Variants in EEA1 observed in about 807,000 individuals in gnomAD.
EEA1 encodes early endosome antigen 1, also known as early endosome antigen 1, 162kD.
In EEA1, 111 loss-of-function variants were observed where a neutral mutation model predicts 209.2. The observed-to-expected ratio is 0.53, with a 90% confidence interval of 0.45 to 0.62. The LOEUF is 0.62. EEA1 is among the 20% of genes least tolerant of loss of function. The probability of loss-of-function intolerance (pLI) is 0.00; values close to 1 mark genes in which losing one functional copy is unlikely to be tolerated. For synonymous variants in EEA1, 536 were observed against 540.6 expected, an observed-to-expected ratio of 0.99 and a Z score of 0.12; for missense variants, 1,343 against 1,530.8, an observed-to-expected ratio of 0.88 and a Z score of 2.05.
At chr12:92,892,695 C>G (rs958848972) in intron 1 of EEA1, among the ~76,000 whole-genome samples, 2 of 152,162 alleles carry the variant, frequency 1.3e-5, no homozygotes, top group Non-Finnish European at 2.9e-5. Context: ...CTGCCTCAGA[C>G]TCCTGAGTAG....
intron 9 of EEA1, 136 bp from the exon 10 acceptor site, chr12:92,842,717 C>T: frequency 1.7e-6 from 1 of 581,486 alleles, no homozygotes; most frequent in African/African-American, 2.0e-5. Context: ...TATCCTACCA[C>T]CTATACTGCC....
intron 23 of EEA1, 44 bp from the exon 24 acceptor site, chr12:92,780,455 C>G (rs1413774153): frequency 1.5e-6 from 2 of 1,305,572 alleles, no homozygotes; most frequent in Non-Finnish European, 1.0e-6. Context: ...AAAGCAAATA[C>G]TTAAATGAAA....
intron 13 of EEA1, among the ~76,000 whole-genome samples, chr12:92,820,111 T>G (rs967007731): frequency 3.3e-5 from 5 of 152,142 alleles, no homozygotes; most frequent in African/African-American, 1.2e-4. Context: ...CCCATTAAAA[T>G]GTATACTCTA....
chr12:92,804,619 A>C (rs1875106127), intron 18 of EEA1, among the ~76,000 whole-genome samples: 1 of 152,046 alleles, frequency 6.6e-6, no homozygotes, highest in Non-Finnish European at 1.5e-5. Context: ...ATACCTAGGA[A>C]AGCCTCAATA....
intron 1 of EEA1, among the ~76,000 whole-genome samples, chr12:92,912,768 T>C (rs1880624519): frequency 6.6e-6 from 1 of 152,144 alleles, no homozygotes; most frequent in Non-Finnish European, 1.5e-5. Context: ...ATTGTCTAGC[T>C]CCCACTTATA....
chr12:92,859,239 C>T, intron 3 of EEA1: 1 of 1,612,096 alleles, frequency 6.2e-7, no homozygotes, highest in Non-Finnish European at 8.5e-7. Context: ...GTAGGGACAG[C>T]TTCCCATGGG....
chr12:92,859,092 T>C (rs745681960), intron 3 of EEA1: 14 of 879,738 alleles, frequency 1.6e-5, no homozygotes, highest in East Asian at 9.7e-5. Context: ...TTTTCCATTA[T>C]AGTACCTCTC....
At chr12:92,894,531 A>T (rs1404584741) in intron 1 of EEA1, among the ~76,000 whole-genome samples, 2 of 152,234 alleles carry the variant, frequency 1.3e-5, no homozygotes, top group Non-Finnish European at 2.9e-5. Flanking sequence ...AAATGATAAG[A>T]GCACAAATTG....
chr12:92,913,353 A>G (rs1880647904), intron 1 of EEA1, among the ~76,000 whole-genome samples: 1 of 152,160 alleles, frequency 6.6e-6, no homozygotes. Flanking sequence ...CTTTTGAGAA[A>G]TATCTGCTAA....
intron 23 of EEA1, 32 bp from the exon 24 acceptor site, chr12:92,780,443 T>C (rs754906773): frequency 1.5e-6 from 2 of 1,354,098 alleles, no homozygotes. Context: ...TAAAATTATT[T>C]TAAAGCAAAT....
At chr12:92,799,139 T>C (rs1236380546) in intron 20 of EEA1, 53 bp from the exon 21 acceptor site, 10 of 1,423,056 alleles carry the variant, frequency 7.0e-6, no homozygotes, top group Admixed American at 2.9e-5. Flanking sequence ...CAAAAGACGA[T>C]GTACTGAGTA....
At chr12:92,842,617 C>A in intron 9 of EEA1, 36 bp from the exon 10 acceptor site, 2 of 1,203,344 alleles carry the variant, frequency 1.7e-6, no homozygotes, top group Non-Finnish European at 2.4e-6. Flanking sequence ...TTAAAGCAAA[C>A]TAAATTGTCT....
In EEA1 at chr12:92,864,813, C is replaced by CATATGGA. The variant is rs753862049; in HGVS notation, c.245+46_245+47insTCCATAT. On this transcript the variant is annotated intron_variant, in intron 3 of 28. Coordinates refer to ENST00000322349, the MANE Select transcript of EEA1 (RefSeq NM_003566.4). ...ATTAATCATGATTAAACGACGATAC[C>CATATGGA]ACATGCATATTCCATAACATTATAC... is the stretch of plus-strand genomic sequence containing the variant. The CATATGGA allele has an allele frequency of 5.5e-6, 8 of 1,449,272 alleles. No homozygotes were observed. In the African/African-American group the frequency reaches 1.0e-4, roughly 18 times the overall value. 89.8% of individuals were successfully genotyped at this position (1,449,272 alleles called of 1,614,324 possible).
intron 21 of EEA1, among the ~76,000 whole-genome samples, chr12:92,793,307 AG>A (rs1229214914): frequency 6.6e-6 from 1 of 152,218 alleles, no homozygotes; most frequent in African/African-American, 2.4e-5. Context: ...AAAGAAATAA[AG>A]GGTATTCAAT....
intron 25 of EEA1, 26 bp downstream of exon 25, chr12:92,779,089 A>G: frequency 6.3e-7 from 1 of 1,575,492 alleles, no homozygotes; most frequent in East Asian, 2.3e-5. Context: ...ACTGCAAAAC[A>G]CACTTCCCCC....
At chr12:92,808,190 CAT>C (rs1875306509) in intron 18 of EEA1, among the ~76,000 whole-genome samples, 1 of 152,042 alleles carries the variant, frequency 6.6e-6, no homozygotes, top group South Asian at 2.1e-4. Flanking sequence ...CATATAGACA[CAT>C]AGACTGTGGT....
chr12:92,820,604 G>A (rs1876003329), intron 13 of EEA1, among the ~76,000 whole-genome samples: 1 of 152,028 alleles, frequency 6.6e-6, no homozygotes, highest in Admixed American at 6.6e-5. Context: ...GGGGGTTGGG[G>A]GCAAGGAGAG....
chr12:92,780,566 TTCC>T (rs1408006181), intron 23 of EEA1, among the ~76,000 whole-genome samples, 155 bp from the exon 24 acceptor site: 8 of 152,200 alleles, frequency 5.3e-5, no homozygotes, highest in African/African-American at 1.9e-4. Context: ...TCTTGGCTGT[TTCC>T]TTATTTATAC....
At chr12:92,882,343 G>A (rs1364298399) in intron 2 of EEA1, among the ~76,000 whole-genome samples, 1 of 151,926 alleles carries the variant, frequency 6.6e-6, no homozygotes, top group Non-Finnish European at 1.5e-5. Context: ...CCTGACCTCA[G>A]GTGATCTGCC....
Sources: gnomAD v4.1 joint callset for allele counts (sites outside exome capture counted in the v4.1 genomes callset) on GRCh38, gnomAD v4.1.1 for gene constraint, MANE v1.5 for transcripts, NCBI Gene and HGNC (gene_info 2026-07-23, HGNC 2026-07-21) for gene names.